Variants in TDRKH observed in about 807,000 individuals in gnomAD.
The protein encoded by TDRKH is tudor and KH domain containing.
TDRKH carries 28 observed loss-of-function variants against 61.3 expected under a neutral mutation model. The ratio of observed to expected loss-of-function variants is 0.46; its 90% confidence interval spans 0.34 to 0.63. The LOEUF is 0.63. Ranked by LOEUF, TDRKH falls within the 20% of genes least tolerant of loss-of-function variation. TDRKH has a pLI of 0.01. For missense variants in TDRKH, 540 were observed against 683.4 expected (o/e 0.79, Z 2.34); for synonymous variants, 219 against 244.4 (o/e 0.90, Z 0.97).
downstream of TDRKH, chr1:151,767,953 C>A (rs530774691): frequency 2.0e-5 from 29 of 1,418,732 alleles, no homozygotes; most frequent in African/African-American, 3.8e-4. Context: ...GGCTCCAATT[C>A]TCCCAGGCTC....
chr1:151,787,282 G>A (rs770083704), intron 1 of TDRKH, among the ~76,000 whole-genome samples: 5 of 152,126 alleles, frequency 3.3e-5, no homozygotes, highest in Admixed American at 3.3e-4. Context: ...GCAGTGGCAC[G>A]ATCTCAGCTC....
chr1:151,787,207 C>A (rs1650397735), intron 1 of TDRKH, among the ~76,000 whole-genome samples: 1 of 152,010 alleles, frequency 6.6e-6, no homozygotes, highest in Non-Finnish European at 1.5e-5. Flanking sequence ...TTCTTTTGTC[C>A]CCTGATTACT....
At chr1:151,778,599 TGAG>T in intron 6 of TDRKH, 83 bp downstream of exon 6, 1 of 1,596,624 alleles carries the variant, frequency 6.3e-7, no homozygotes, top group Non-Finnish European at 8.6e-7. Context: ...CTGCTCAGAC[TGAG>T]AAGGCATTCC....
chr1:151,767,862 T>C (rs1433524026), downstream of TDRKH: 3 of 679,136 alleles, frequency 4.4e-6, no homozygotes, highest in Non-Finnish European at 7.2e-6. Context: ...GCTGGATTGT[T>C]TGATATAAAG....
chr1:151,771,435 C>A, downstream of TDRKH: 1 of 1,173,002 alleles, frequency 8.5e-7, no homozygotes, highest in Non-Finnish European at 1.1e-6. Context: ...GGGACCTGAA[C>A]TACGGAGGAA....
At position 151,778,601 on chromosome 1, in the gene TDRKH, A is replaced by C. The variant is rs1571992660; in HGVS notation, c.883+84T>G. The C allele has an allele frequency of 1.0e-5, 16 of 1,597,712 alleles. No individual in the cohort carries two copies. In the East Asian group the frequency reaches 3.6e-4, roughly 36 times the overall value. On this transcript the variant is annotated intron_variant, in intron 6 of 12. Coordinates refer to ENST00000368824, the MANE Select transcript of TDRKH (RefSeq NM_001083965.2). The stretch of plus-strand genomic sequence containing the variant: ...CATATTATACTGGCTGCTCAGACTG[A>C]GAAGGCATTCCTTCTAATCTCTCCA...
rs1258875787 is a variant in TDRKH, at chr1:151,778,871, C to G, written c.697G>C (p.Glu233Gln). Reference sequence around the variant, plus strand: ...CTGGTGTTTTTCCATAATGCTGGCTCTCCAGCTCCACCTGGCTCTGTCATG... The same window carrying G: ...CTGGTGTTTTTCCATAATGCTGGCTGTCCAGCTCCACCTGGCTCTGTCATG... ...EDMTEPGGAG[E>Q]PALWKNTSSS... Residue 233 changes from glutamate (E) to glutamine (Q), a missense_variant, in exon 6 of 13, where the codon GAG (glutamate) becomes CAG (glutamine). Glu to Gln is a conservative substitution (Grantham distance 29). Around this residue, in one of 3 missense-constraint regions of TDRKH, gnomAD observed 379 missense variants for 443.8 expected, o/e 0.85. Coordinates refer to ENST00000368824, the MANE Select transcript of TDRKH (RefSeq NM_001083965.2). 6.2e-7 allele frequency: 1 copy of G among 1,614,088 alleles called. No homozygotes were observed. The highest frequency in any genetic ancestry group is 1.3e-5 in the African/African-American group (1 of 74,936).
chr1:151,780,025 T>C lies in TDRKH; in HGVS notation c.347A>G (p.His116Arg), dbSNP rs759192804. 2 of 1,614,242 alleles carry C rather than the reference T, an allele frequency of 1.2e-6. No individual in the cohort carries two copies. The highest frequency in any genetic ancestry group is 2.2e-5 in the East Asian group (1 of 44,890). ...TGGGGTATTCTCTGTCAGGATCTGA[T>C]GGATTGCTGCTTTGGCCTTGCACAC... is the stretch of plus-strand genomic sequence containing the variant. ...VQVCKAKAAI[H>R]QILTENTPVS... Residue 116 changes from histidine to arginine, a missense_variant, in exon 4 of 13, where the codon CAT becomes CGT. By Grantham distance (29) the His-to-Arg change is conservative. Coordinates refer to ENST00000368824, the MANE Select transcript of TDRKH (RefSeq NM_001083965.2).
At chr1:151,779,604 GCTCTAGGGGAAAGCATAAAAGGTACC>G (rs989215720) in intron 4 of TDRKH, 267 of 374,578 alleles carry the variant, frequency 7.1e-4, no homozygotes, top group African/African-American at 5.1e-3. Context: ...ACTAAGCAAT[GCTCTAGGGGAAAGCATAAAAGGTACC>G]CTCTAGAGCA....
At chr1:151,776,848 C>T (rs1649231853) in intron 6 of TDRKH, among the ~76,000 whole-genome samples, 1 of 152,194 alleles carries the variant, frequency 6.6e-6, no homozygotes, top group Non-Finnish European at 1.5e-5. Flanking sequence ...AAATCGGTCA[C>T]CAATTATACA....
rs1649739724 is a variant in TDRKH at position 151,781,263 on chromosome 1, G to A, written c.231+218C>T. 2.0e-5 allele frequency among the ~76,000 whole-genome samples: 3 copies of A among 147,496 alleles called. No homozygotes were observed. The South Asian group carries it at 6.5e-4, about 32-fold the overall frequency. The stretch of plus-strand genomic sequence containing the variant: ...ACCCAGGAGGCGGATGTTGCAGTGA[G>A]CCGAGATCGTGCCATTGCACTCCAG... On this transcript the variant is annotated intron_variant, in intron 3 of 12. Coordinates refer to ENST00000368824, the MANE Select transcript of TDRKH (RefSeq NM_001083965.2).
downstream of TDRKH, chr1:151,771,452 T>C: frequency 9.5e-7 from 1 of 1,054,364 alleles, no homozygotes; most frequent in Non-Finnish European, 1.2e-6. Flanking sequence ...GGAAAGTACC[T>C]AAGGATTTTT....
downstream of TDRKH, among the ~76,000 whole-genome samples, chr1:151,772,353 A>G (rs1024149267): frequency 6.6e-6 from 1 of 152,014 alleles, no homozygotes; most frequent in Non-Finnish European, 1.5e-5. Context: ...CGGCCTCCCA[A>G]AGTGTTGGGA....
At chr1:151,766,533 A>G (rs1648363706), downstream of TDRKH, 2 of 614,134 alleles carry the variant, frequency 3.3e-6, no homozygotes, top group South Asian at 4.1e-5. Context: ...CATGCATACT[A>G]GTCGAATATG....
At chr1:151,777,233 C>A (rs1473085959) in intron 6 of TDRKH, among the ~76,000 whole-genome samples, 1 of 152,110 alleles carries the variant, frequency 6.6e-6, no homozygotes, top group African/African-American at 2.4e-5. Context: ...TCATTTGAGG[C>A]CAGGAGTTCG....
chr1:151,776,083 C>T lies in TDRKH; in HGVS notation c.1217+13G>A. 6.2e-7 allele frequency: 1 copy of T among 1,609,446 alleles called. No individual in the cohort carries two copies. Among genetic ancestry groups the T allele is most frequent in the Non-Finnish European group, 8.5e-7 (1 of 1,177,662 alleles). ...GAGTCAGCAGTTGGGATTGAGCTGA[C>T]CTCAGCACTGACCTGAGAGCCCTGA... On this transcript the variant is annotated intron_variant, in intron 8 of 12. Transcript: ENST00000368824.
At chr1:151,782,788 A>C in intron 2 of TDRKH, 111 bp downstream of exon 2, 2 of 1,398,940 alleles carry the variant, frequency 1.4e-6, no homozygotes, top group Non-Finnish European at 1.9e-6. Flanking sequence ...CCCACAAAAA[A>C]CCCCAAAACA....
At chr1:151,782,717 C>T in intron 2 of TDRKH, 182 bp downstream of exon 2, 1 of 607,976 alleles carries the variant, frequency 1.6e-6, no homozygotes, top group Non-Finnish European at 2.5e-6. Context: ...CTACAGTGAG[C>T]CAAGATTGTG....
downstream of TDRKH, chr1:151,771,310 G>A: frequency 6.5e-7 from 1 of 1,540,946 alleles, no homozygotes; most frequent in Non-Finnish European, 8.7e-7. Context: ...TCCATCCTAG[G>A]AATAAAGGGT....
Sources: gnomAD v4.1 joint callset for allele counts (sites outside exome capture counted in the v4.1 genomes callset) on GRCh38, gnomAD v4.1.1 for gene constraint, gnomAD v4.1.1 regional missense constraint, MANE v1.5 for transcripts, NCBI Gene and HGNC (gene_info 2026-07-23, HGNC 2026-07-21) for gene names.